Variants in EYA1 observed in about 807,000 individuals in gnomAD.
EYA1 encodes the protein EYA transcriptional coactivator and phosphatase 1, also known as protein phosphatase EYA1.
Under a neutral mutation model 82.0 loss-of-function variants are expected in EYA1, and 16 were observed. The ratio of observed to expected loss-of-function variants is 0.20; its 90% CI spans 0.13 to 0.30. The LOEUF (loss-of-function observed/expected upper bound fraction) is 0.30. EYA1 is among the 10% of genes least tolerant of loss of function. EYA1 has a pLI of 1.00. For synonymous variants in EYA1, 261 were observed against 264.4 expected (o/e 0.99, Z 0.12); for missense variants, 633 against 730.7 (o/e 0.87, Z 1.54).
intron 12 of EYA1, among the ~76,000 whole-genome samples, chr8:71,223,117 TAG>T (rs1427300284): frequency 6.6e-6 from 1 of 151,850 alleles, no homozygotes; most frequent in Non-Finnish European, 1.5e-5. Context: ...GCGTGGAGGG[TAG>T]AGAGTACAAC....
chr8:71,465,091 T>C (rs983273154), intron 2 of EYA1, among the ~76,000 whole-genome samples: 9 of 152,346 alleles, frequency 5.9e-5, no homozygotes, highest in African/African-American at 2.2e-4. Flanking sequence ...TTGACAGATG[T>C]CTAAATTTAA....
At chr8:71,510,257 C>A (rs750792776) in intron 2 of EYA1, among the ~76,000 whole-genome samples, 3 of 152,166 alleles carry the variant, frequency 2.0e-5, no homozygotes, top group Admixed American at 6.6e-5. Flanking sequence ...AAGTCCAGCT[C>A]ACCACGATTG....
chr8:71,397,423 G>A (rs1323914344), intron 2 of EYA1, among the ~76,000 whole-genome samples: 2 of 152,120 alleles, frequency 1.3e-5, no homozygotes, highest in Non-Finnish European at 2.9e-5. Flanking sequence ...GCAGTGGCTG[G>A]TACTAGTTGT....
intron 3 of EYA1, among the ~76,000 whole-genome samples, chr8:71,340,828 G>T (rs868816132): frequency 1.3e-5 from 2 of 151,804 alleles, no homozygotes; most frequent in Non-Finnish European, 2.9e-5. Context: ...TTAGCCCAAC[G>T]TTTGGCTTGC....
In EYA1 at chr8:71,480,614, T is replaced by A. The variant is rs1395192983; in HGVS notation, c.33+55130A>T. On this transcript the variant is annotated intron_variant, in intron 2 of 18. Transcript: ENST00000643681. ...GCTGAATAGAAAAAAATCCCATGAA[T>A]TCCTTTCCTCTTTTCAAAACCTGAG... Among the ~76,000 whole-genome samples, 4 of 152,198 alleles carry A rather than the reference T, an allele frequency of 2.6e-5. No individual in the cohort carries two copies. In the East Asian group the frequency reaches 7.7e-4, roughly 29 times the overall value.
chr8:71,545,593 G>A (rs1277364834), intron 1 of EYA1, among the ~76,000 whole-genome samples: 14 of 118,386 alleles, frequency 1.2e-4, no homozygotes, highest in African/African-American at 3.4e-4. Flanking sequence ...ATGGAGTCTC[G>A]CTCTGTCGCC....
chr8:71,441,712 G>A (rs764106474), intron 2 of EYA1, among the ~76,000 whole-genome samples: 1 of 151,928 alleles, frequency 6.6e-6, no homozygotes, highest in Non-Finnish European at 1.5e-5. Flanking sequence ...TATTTAATGA[G>A]GTATAATAAT....
chr8:71,249,877 G>A (rs1018868293), intron 11 of EYA1, among the ~76,000 whole-genome samples: 4 of 152,132 alleles, frequency 2.6e-5, no homozygotes, highest in African/African-American at 9.7e-5. Context: ...GACACCTACT[G>A]TATTCATTCT....
At chr8:71,465,782 G>A (rs758886064) in intron 2 of EYA1, among the ~76,000 whole-genome samples, 1 of 152,132 alleles carries the variant, frequency 6.6e-6, no homozygotes, top group Non-Finnish European at 1.5e-5. Flanking sequence ...TATTGTGGTA[G>A]TATTAAGAAG....
At chr8:71,387,063 T>C (rs1480895459) in intron 2 of EYA1, among the ~76,000 whole-genome samples, 1 of 152,186 alleles carries the variant, frequency 6.6e-6, no homozygotes, top group Non-Finnish European at 1.5e-5. Context: ...ACATGTCCCC[T>C]ACCCCTATAG....
intron 7 of EYA1, among the ~76,000 whole-genome samples, chr8:71,308,547 A>AACCCATCC (rs148727782): frequency 0.015 from 2,244 of 152,264 alleles, 32 homozygotes; most frequent in South Asian, 0.044. Flanking sequence ...TTTTAAAACA[A>AACCCATCC]ACCCATCCCT....
intron 2 of EYA1, among the ~76,000 whole-genome samples, chr8:71,423,978 C>A (rs1433140717): frequency 6.6e-6 from 1 of 152,112 alleles, no homozygotes; most frequent in African/African-American, 2.4e-5. Context: ...TATTTTGTAA[C>A]CTTAGGTAAA....
At chr8:71,329,897 G>A (rs926139347) in intron 4 of EYA1, among the ~76,000 whole-genome samples, 6 of 151,950 alleles carry the variant, frequency 3.9e-5, no homozygotes, top group East Asian at 1.9e-4. Context: ...AACCTGATCC[G>A]GTAGAACAGA....
chr8:71,323,533 G>A (rs769872081), intron 4 of EYA1, among the ~76,000 whole-genome samples: 7 of 152,126 alleles, frequency 4.6e-5, no homozygotes, highest in Non-Finnish European at 8.8e-5. Context: ...TCTTTTCCTT[G>A]TAAAACAAAC....
chr8:71,401,385 C>A lies in EYA1; in HGVS notation c.34-44874G>T, dbSNP rs138362907. Among the ~76,000 whole-genome samples, 90 of 152,300 alleles carry A rather than the reference C, an allele frequency of 5.9e-4. 1 individual carries two copies. In the South Asian group the frequency reaches 0.013, roughly 22 times the overall value. ...TTTATTCTTTCATTTTCTTTAACTT[C>A]GGTCTTTATTAATCACTATCATCCC... On this transcript the variant is annotated intron_variant, in intron 2 of 18. Transcript: ENST00000643681.
intron 2 of EYA1, among the ~76,000 whole-genome samples, chr8:71,489,346 GTATTGTACTAT>G (rs746507140): frequency 6.9e-6 from 1 of 145,240 alleles, no homozygotes; most frequent in Non-Finnish European, 1.5e-5. Context: ...TATTTTTATT[GTATTGTACTAT>G]TATTGTACTA....
intron 11 of EYA1, among the ~76,000 whole-genome samples, chr8:71,262,855 T>C (rs1179821339): frequency 2.0e-5 from 3 of 152,212 alleles, no homozygotes; most frequent in African/African-American, 7.2e-5. Context: ...AGAGTTTAGA[T>C]TCTATGTCAC....
intron 17 of EYA1, among the ~76,000 whole-genome samples, chr8:71,206,225 CTTT>C (rs34098587): frequency 6.7e-6 from 1 of 148,192 alleles, no homozygotes; most frequent in Admixed American, 6.7e-5. Context: ...TTTGAAGAAA[CTTT>C]TTTTTTTTTA....
intron 2 of EYA1, among the ~76,000 whole-genome samples, chr8:71,395,973 G>T (rs1167119593): frequency 1.3e-5 from 2 of 152,196 alleles, no homozygotes; most frequent in Non-Finnish European, 2.9e-5. Flanking sequence ...TTAAGAACCT[G>T]TAATTGGTCT....
Sources: allele counts gnomAD v4.1 joint callset (sites outside exome capture counted in the v4.1 genomes callset), GRCh38; gene constraint gnomAD v4.1.1; transcripts MANE v1.5; gene names NCBI Gene and HGNC (gene_info 2026-07-23, HGNC 2026-07-21).